The following SAMD9 variants were observed in gnomAD, a reference collection of about 807,000 sequenced individuals.
SAMD9 encodes the protein sterile alpha motif domain containing 9.
SAMD9 carries 3 observed loss-of-function variants against 1.5 expected under a neutral mutation model. That is an observed-to-expected ratio of 2.05 (90% CI 0.93 to 5.29). The LOEUF (loss-of-function observed/expected upper bound fraction) is 5.29, where lower values mean the gene tolerates loss of function less well. Among genes scored for constraint, SAMD9 ranks in the 30% most tolerant of loss-of-function variants. The probability of loss-of-function intolerance (pLI) is 0.02; values close to 1 mark genes in which losing one functional copy is unlikely to be tolerated. For synonymous variants in SAMD9, 635 were observed against 631.9 expected, an observed-to-expected ratio of 1.00 and a Z score of -0.07; for missense variants, 1,597 against 1,820.8, an observed-to-expected ratio of 0.88 and a Z score of 2.24.
chr7:93,106,184 T>C (rs1307102606), intron 2 of SAMD9, 79 bp from the exon 3 acceptor site: 1 of 939,758 alleles, frequency 1.1e-6, no homozygotes, highest in African/African-American at 1.7e-5. Context: ...AATATATACA[T>C]AATTTTCAAA....
At chr7:93,115,982 T>A (rs1023169969) in intron 1 of SAMD9, among the ~76,000 whole-genome samples, 2 of 152,214 alleles carry the variant, frequency 1.3e-5, no homozygotes, top group Non-Finnish European at 2.9e-5. Context: ...TCACGTCTAC[T>A]CCACCCTATG....
chr7:93,104,237 G>C lies in SAMD9; in HGVS notation c.1861C>G (p.Leu621Val). 1 of 1,613,852 alleles carries C rather than the reference G, an allele frequency of 6.2e-7. No individual in the cohort carries two copies. Among genetic ancestry groups the C allele is most frequent in the Non-Finnish European group, 8.5e-7 (1 of 1,179,840 alleles). ...LEEINGTILK[L>V]KSVTQSSKRL... is the part of the protein sequence containing the mutation. ...TTTGAAGATTGAGTCACAGATTTTAGTTTAAGAATAGTGCCATTGATCTCT... is the reference window on the plus strand; with the variant it reads ...TTTGAAGATTGAGTCACAGATTTTACTTTAAGAATAGTGCCATTGATCTCT... Residue 621 changes from leucine to valine, a missense_variant, in exon 3 of 3, where the codon CTA (leucine) becomes GTA (valine). Physicochemically the swap from Leu to Val is conservative, Grantham distance 32. Around this residue, in one of 6 missense-constraint regions of SAMD9, gnomAD observed 358 missense variants for 460.4 expected, o/e 0.78. Coordinates refer to ENST00000379958, the MANE Select transcript of SAMD9 (RefSeq NM_017654.4).
chr7:93,112,952 A>G (rs1791771401), intron 2 of SAMD9, among the ~76,000 whole-genome samples: 2 of 152,320 alleles, frequency 1.3e-5, no homozygotes, highest in African/African-American at 2.4e-5. Context: ...GGAAAAAACT[A>G]CTTTAAAGTT....
At chr7:93,108,163 C>T (rs145273145) in intron 2 of SAMD9, among the ~76,000 whole-genome samples, 152 of 152,286 alleles carry the variant, frequency 1.0e-3, no homozygotes, top group Non-Finnish European at 1.7e-3. Flanking sequence ...CCTCGCCATG[C>T]GCCTGTGTGG....
In SAMD9 at chr7:93,103,106, TC is replaced by T; in HGVS notation, c.2991del (p.Ser999AlafsTer4). The part of the protein sequence containing the change: ...LIAEFSLEEL[K>X]KSYHLNKSQI... ...TGACTTTTATTCAGGTGATAGCTTT[TC>T]TTCAATTCTTCCAGTGAGAACTCTG... On this transcript the variant is annotated frameshift_variant, in exon 3 of 3. Coordinates refer to ENST00000379958, the MANE Select transcript of SAMD9 (RefSeq NM_017654.4). LOFTEE classifies it low-confidence loss of function (END_TRUNC). The T allele has an allele frequency of 6.2e-7, 1 of 1,613,818 alleles. No homozygotes were observed. The highest frequency in any genetic ancestry group is 1.1e-5 in the South Asian group (1 of 91,084).
rs1791551484 is a variant in SAMD9 at position 93,102,525 on chromosome 7, A to G, written c.3573T>C (p.Thr1191=). 3.7e-6 allele frequency: 6 copies of G among 1,613,814 alleles called. No individual in the cohort carries two copies. The highest frequency in any genetic ancestry group is 5.1e-6 in the Non-Finnish European group (6 of 1,179,756). Reference sequence around the variant, plus strand: ...CTCCTTGATAACCAGCTATATTGTAAGTATCATACCGCCTTTTTGACTTCG... The same window carrying G: ...CTCCTTGATAACCAGCTATATTGTAGGTATCATACCGCCTTTTTGACTTCG... ...LYPKSKRRYD[T]YNIAGYQGEI... Residue 1191 remains threonine (T), a synonymous_variant, in exon 3 of 3, where the codon ACT becomes ACC. Transcript: ENST00000379958.
Position 93,100,544 on chromosome 7 carries a change from TAGGTTGTATGTTA to T in SAMD9, c.*771_*783del, listed in dbSNP as rs1562773130. The T allele has an allele frequency of 3.3e-5, 5 of 152,292 alleles. No homozygotes were observed. Among genetic ancestry groups the T allele is most frequent in the African/African-American group, 1.2e-4 (5 of 41,578 alleles). 9.4% of individuals were successfully genotyped at this position (152,292 alleles called of 1,614,324 possible). A position where few individuals can be genotyped will look rare whatever the true frequency, so the allele number is the denominator to read the frequency against. Reference sequence around the variant, plus strand: ...TCGCTGGTTGTTTTTGTTCAAAACATAGGTTGTATGTTAATCTGCCAGTACATTGGCATCTTCT... The same window carrying T: ...TCGCTGGTTGTTTTTGTTCAAAACATATCTGCCAGTACATTGGCATCTTCT... On this transcript the variant is annotated 3_prime_UTR_variant, in exon 3 of 3. Coordinates refer to ENST00000379958, the MANE Select transcript of SAMD9 (RefSeq NM_017654.4).
intron 2 of SAMD9, among the ~76,000 whole-genome samples, chr7:93,111,332 T>C (rs1406963181): frequency 6.6e-6 from 1 of 152,186 alleles, no homozygotes; most frequent in Non-Finnish European, 1.5e-5. Flanking sequence ...TTTATACCAC[T>C]AAATGCCCAC....
At position 93,101,710 on chromosome 7, in the gene SAMD9, G is replaced by T. The variant is rs1398631669; in HGVS notation, c.4388C>A (p.Ser1463Tyr). 6 of 1,613,698 alleles carry T rather than the reference G, an allele frequency of 3.7e-6. No homozygotes were observed. The highest frequency in any genetic ancestry group is 1.6e-4 in the Middle Eastern group (1 of 6,062). Residue 1463 changes from serine to tyrosine, a missense_variant, in exon 3 of 3, where the codon TCT becomes TAT. By Grantham distance (144) the Ser-to-Tyr change is moderately radical. Coordinates refer to ENST00000379958, the MANE Select transcript of SAMD9 (RefSeq NM_017654.4). ...MKEYAQALKN[S>Y]FKGQYKHMHR... ...CATATGTTTATATTGCCCCTTGAAA[G>T]AATTTTTTAGTGCTTGAGCATACTC...
chr7:93,112,198 CA>C (rs1459075054), intron 2 of SAMD9, among the ~76,000 whole-genome samples: 1 of 152,134 alleles, frequency 6.6e-6, no homozygotes, highest in East Asian at 1.9e-4. Flanking sequence ...GAACCAAAGA[CA>C]AAAACCACAT....
intron 2 of SAMD9, among the ~76,000 whole-genome samples, chr7:93,107,181 C>G (rs1279117960): frequency 1.3e-5 from 2 of 151,972 alleles, no homozygotes; most frequent in Non-Finnish European, 2.9e-5. Flanking sequence ...GCTGGGATTA[C>G]AGGCGTGAGT....
At position 93,101,775 on chromosome 7, in the gene SAMD9, T is replaced by C. The variant is rs775715919; in HGVS notation, c.4323A>G (p.Pro1441=). The C allele has an allele frequency of 9.9e-6, 16 of 1,613,898 alleles. No homozygotes were observed. The highest frequency in any genetic ancestry group is 1.3e-5 in the Non-Finnish European group (15 of 1,179,786). ...PYFLASLLFW[P]ENQQLDQHSE... ...AATGTTGATCTAGTTGTTGATTTTC[T>C]GGCCAGAATAAGAGGGAAGCTAGAA... The change falls in exon 3 of 3, where the codon CCA becomes CCG. Residue 1441 remains proline, a synonymous_variant. Transcript: ENST00000379958.
chr7:93,105,250 C>T lies in SAMD9; in HGVS notation c.848G>A (p.Cys283Tyr), dbSNP rs142802656. The T allele has an allele frequency of 9.3e-6, 15 of 1,613,720 alleles. No homozygotes were observed. In the East Asian group the frequency reaches 2.2e-4, roughly 24 times the overall value. The change falls in exon 3 of 3, where the codon TGC (cysteine) becomes TAC (tyrosine). Residue 283 changes from cysteine (C) to tyrosine (Y), a missense_variant. Transcript: ENST00000379958. ...TTCCACAAATCTTGGCTCTCGAATG[C>T]ACTTCTTTGCTTGTTGGACTTGATG... ...EDHQVQQAKK[C>Y]IREPRFVEVL...
Position 93,105,933 on chromosome 7 carries a change from A to T in SAMD9, c.165T>A (p.Val55=), listed in dbSNP as rs138739704. The change falls in exon 3 of 3, where the codon GTT becomes GTA. Residue 55 remains valine (V), a synonymous_variant. Coordinates refer to ENST00000379958, the MANE Select transcript of SAMD9 (RefSeq NM_017654.4). The stretch of plus-strand genomic sequence containing the variant: ...CTGGTCCATGTGTGATGCCCATATC[A>T]ACAAGATGTTCTTTTTTTAACCACT... ...VLKWLKKEHL[V]DMGITHGPAI... 4.3e-6 allele frequency: 7 copies of T among 1,612,260 alleles called. No homozygotes were observed. The African/African-American group carries it at 6.7e-5, about 15-fold the overall frequency.
At chr7:93,116,277 A>G (rs921965942) in intron 1 of SAMD9, among the ~76,000 whole-genome samples, 1 of 152,202 alleles carries the variant, frequency 6.6e-6, no homozygotes, top group Non-Finnish European at 1.5e-5. Flanking sequence ...TCATGCAAGA[A>G]CTACATACCA....
rs570202272 is a variant in SAMD9, at chr7:93,102,402, T to A, written c.3696A>T (p.Val1232=). Residue 1232 remains valine (V), a synonymous_variant, in exon 3 of 3, where the codon GTA becomes GTT. Coordinates refer to ENST00000379958, the MANE Select transcript of SAMD9 (RefSeq NM_017654.4). The part of the protein sequence containing the change: ...ELSKRYMVNF[V]SGSSDIPGDP... ...CCCCTGGAATATCACTACTTCCTGA[T>A]ACAAAATTGACCATATATCTTTTAG... is the stretch of plus-strand genomic sequence containing the variant. The A allele has an allele frequency of 3.0e-5, 48 of 1,611,378 alleles. No homozygotes were observed. The South Asian group carries it at 4.9e-4, about 17-fold the overall frequency.
chr7:93,108,144 CT>C (rs1479893386), intron 2 of SAMD9, among the ~76,000 whole-genome samples: 1 of 151,292 alleles, frequency 6.6e-6, no homozygotes, highest in Non-Finnish European at 1.5e-5. Flanking sequence ...CCCGCCGTGC[CT>C]TGCCGTGCCT....
At position 93,104,151 on chromosome 7, in the gene SAMD9, C is replaced by A; in HGVS notation, c.1947G>T (p.Met649Ile). ...TTTCACAGATAATTTCCAGAGCAGT[C>A]ATGATATCTTCTTCCTTTTTCAGAA... ...TVLLKKEEDI[M>I]TALEIICENE... Residue 649 changes from methionine to isoleucine, a missense_variant, in exon 3 of 3, where the codon ATG (methionine) becomes ATT (isoleucine). Met to Ile is a conservative substitution (Grantham distance 10). Coordinates refer to ENST00000379958, the MANE Select transcript of SAMD9 (RefSeq NM_017654.4). 6.2e-7 allele frequency: 1 copy of A among 1,613,918 alleles called. No individual in the cohort carries two copies. Among genetic ancestry groups the A allele is most frequent in the South Asian group, 1.1e-5 (1 of 91,050 alleles).
rs1263093039 is a variant in SAMD9 at position 93,103,933 on chromosome 7, G to A, written c.2165C>T (p.Ala722Val). 1 of 1,613,542 alleles carries A rather than the reference G, an allele frequency of 6.2e-7. No homozygotes were observed. The highest frequency in any genetic ancestry group is 2.2e-5 in the East Asian group (1 of 44,876). ...GGTACTTGTTGGTTTAGAAGAATCT[G>A]CACAGTTTTGAATCATTGCTTCAAG... ...ERLEAMIQNCADSSKPTSTKI... is the reference protein window; with the variant it reads ...ERLEAMIQNCVDSSKPTSTKI... The change falls in exon 3 of 3, where the codon GCA (alanine) becomes GTA (valine). Residue 722 changes from alanine (A) to valine (V), a missense_variant. Ala to Val is a moderately conservative substitution (Grantham distance 64). Transcript: ENST00000379958.
Sources: gnomAD v4.1 joint callset for allele counts (sites outside exome capture counted in the v4.1 genomes callset) on GRCh38, gnomAD v4.1.1 for gene constraint, gnomAD v4.1.1 regional missense constraint, MANE v1.5 for transcripts, NCBI Gene and HGNC (gene_info 2026-07-23, HGNC 2026-07-21) for gene names.